EYA4: variants seen among roughly 807,000 people sequenced by gnomAD.
The protein encoded by EYA4 is EYA transcriptional coactivator and phosphatase 4, also known as protein phosphatase EYA4.
A neutral mutation model predicts 87.9 loss-of-function variants in EYA4; 31 were observed. The ratio of observed to expected loss-of-function variants is 0.35; its 90% CI spans 0.27 to 0.48. The LOEUF is 0.48. EYA4 is among the 20% of genes least tolerant of loss of function. The pLI is 0.99. For missense variants in EYA4, 678 were observed against 761.4 expected (o/e 0.89, Z 1.29); for synonymous variants, 263 against 270.6 (o/e 0.97, Z 0.28).
At chr6:133,422,413 AT>A (rs1583234135) in intron 3 of EYA4, among the ~76,000 whole-genome samples, 1 of 152,208 alleles carries the variant, frequency 6.6e-6, no homozygotes, top group East Asian at 1.9e-4. Context: ...CTAAGATTAT[AT>A]TCTTTATATT....
intron 2 of EYA4, among the ~76,000 whole-genome samples, chr6:133,312,097 G>A (rs1780268615): frequency 6.6e-6 from 1 of 152,142 alleles, no homozygotes. Context: ...TGGGGTGTTT[G>A]TGTGAGTGGG....
At chr6:133,334,258 T>A (rs984474584) in intron 2 of EYA4, among the ~76,000 whole-genome samples, 2 of 152,254 alleles carry the variant, frequency 1.3e-5, no homozygotes, top group Admixed American at 1.3e-4. Context: ...AAAGACTAAA[T>A]TGTCTGTGAT....
intron 3 of EYA4, among the ~76,000 whole-genome samples, chr6:133,443,054 A>C (rs1206632669): frequency 6.6e-6 from 1 of 151,936 alleles, no homozygotes; most frequent in Non-Finnish European, 1.5e-5. Context: ...ATCTATGTTT[A>C]TAAGAAATAT....
At chr6:133,527,931 C>A (rs1800767190) in intron 19 of EYA4, among the ~76,000 whole-genome samples, 2 of 152,042 alleles carry the variant, frequency 1.3e-5, no homozygotes, top group African/African-American at 4.8e-5. Context: ...AGTGGGGACT[C>A]TTTAGACAGT....
rs528376956 is a variant in EYA4 at position 133,305,385 on chromosome 6, C to T, written c.33+30572C>T. Among the ~76,000 whole-genome samples the T allele has an allele frequency of 7.2e-5, 11 of 152,136 alleles. No homozygotes were observed. The East Asian group carries it at 7.7e-4, about 11-fold the overall frequency. On this transcript the variant is annotated intron_variant, in intron 2 of 19. Coordinates refer to ENST00000355286, the MANE Select transcript of EYA4 (RefSeq NM_004100.5). ...GCTAGGGCAAGGGCACGAGGAAGAC[C>T]GGTTACAAGGCCAGTTTTTAGGAAT...
intron 1 of EYA4, chr6:133,247,923 A>G (rs917055039): frequency 2.6e-5 from 4 of 152,164 alleles, no homozygotes; most frequent in African/African-American, 9.7e-5. Flanking sequence ...TAACATGTTC[A>G]TGTGGCATCA....
chr6:133,351,261 G>A (rs1231419302), intron 2 of EYA4, among the ~76,000 whole-genome samples: 1 of 152,100 alleles, frequency 6.6e-6, no homozygotes, highest in African/African-American at 2.4e-5. Flanking sequence ...ATTTAGTGAG[G>A]CCTCTGTACT....
At chr6:133,293,669 C>T (rs530608711) in intron 2 of EYA4, among the ~76,000 whole-genome samples, 18 of 152,054 alleles carry the variant, frequency 1.2e-4, no homozygotes, top group Admixed American at 3.9e-4. Flanking sequence ...AGAGCCTGGG[C>T]GCATGCCTGT....
At chr6:133,359,976 G>A (rs141459805) in intron 2 of EYA4, among the ~76,000 whole-genome samples, 5 of 152,244 alleles carry the variant, frequency 3.3e-5, no homozygotes, top group East Asian at 1.9e-4. Flanking sequence ...GAGAAAGAAC[G>A]CTATGTACAT....
At chr6:133,349,318 T>G (rs1027657562) in intron 2 of EYA4, among the ~76,000 whole-genome samples, 1 of 152,196 alleles carries the variant, frequency 6.6e-6, no homozygotes, top group Admixed American at 6.5e-5. Flanking sequence ...TAAATTTTAG[T>G]TTTTTTGTTT....
chr6:133,481,118 T>TTC (rs1796181962), intron 11 of EYA4, among the ~76,000 whole-genome samples: 1 of 151,942 alleles, frequency 6.6e-6, no homozygotes, highest in Non-Finnish European at 1.5e-5. Flanking sequence ...AGGGATGGAA[T>TTC]TGATCCAGAA....
intron 2 of EYA4, among the ~76,000 whole-genome samples, chr6:133,308,072 C>G (rs1451569928): frequency 6.6e-6 from 1 of 152,112 alleles, no homozygotes; most frequent in Non-Finnish European, 1.5e-5. Context: ...CTTTGCTCCT[C>G]CTTTGCCTTC....
rs527290148 is a variant in EYA4 at position 133,404,853 on chromosome 6, G to A, written c.83+22412G>A. On this transcript the variant is annotated intron_variant, in intron 3 of 19. Transcript: ENST00000355286. ...CAGTTTCTAGTCTCCTTGGCTCTTC[G>A]CATGAGGAGAGAGAGAAATGGGAAA... is the stretch of plus-strand genomic sequence containing the variant. Among the ~76,000 whole-genome samples, 12 of 152,256 alleles carry A rather than the reference G, an allele frequency of 7.9e-5. No homozygotes were observed. The South Asian group carries it at 8.3e-4, about 11-fold the overall frequency.
Position 133,456,459 on chromosome 6 carries a change from C to G in EYA4, c.278-97C>G, listed in dbSNP as rs1162120188. ...CATCAACTTCTCAGGTTTTCTCTTG[C>G]ATGCCCATGGTAGCTAGAAATATCA... On this transcript the variant is annotated intron_variant, in intron 5 of 19. Coordinates refer to ENST00000355286, the MANE Select transcript of EYA4 (RefSeq NM_004100.5). The G allele has an allele frequency of 8.0e-6, 7 of 869,752 alleles. No homozygotes were observed. In the African/African-American group the frequency reaches 1.2e-4, roughly 14 times the overall value. 53.9% of individuals were successfully genotyped at this position (869,752 alleles called of 1,614,324 possible).
intron 12 of EYA4, 131 bp downstream of exon 12, chr6:133,481,730 T>A: frequency 1.0e-6 from 1 of 970,544 alleles, no homozygotes; most frequent in South Asian, 1.4e-5. Flanking sequence ...TGGAACTACT[T>A]TGTGATAGGC....
intron 2 of EYA4, among the ~76,000 whole-genome samples, chr6:133,342,605 A>ATATATATTATATATATATATATATATC (rs1485897156): frequency 6.9e-5 from 9 of 130,440 alleles, no homozygotes; most frequent in African/African-American, 2.6e-4. Context: ...ATATATATAT[A>ATATATATTATATATATATATATATATC]ATTCTTTATA....
chr6:133,373,918 GT>G (rs1288625440), intron 2 of EYA4, among the ~76,000 whole-genome samples: 1 of 151,954 alleles, frequency 6.6e-6, no homozygotes, highest in East Asian at 1.9e-4. Context: ...GCATATTATG[GT>G]TCCTTTTGTG....
chr6:133,447,403 C>T (rs1404004681), intron 4 of EYA4, among the ~76,000 whole-genome samples: 2 of 152,026 alleles, frequency 1.3e-5, no homozygotes, highest in Non-Finnish European at 2.9e-5. Context: ...TTCAACTTGT[C>T]AGAAAATATG....
At chr6:133,518,739 C>G (rs1346115559) in intron 17 of EYA4, among the ~76,000 whole-genome samples, 1 of 152,078 alleles carries the variant, frequency 6.6e-6, no homozygotes, top group Non-Finnish European at 1.5e-5. Flanking sequence ...TGACCACATA[C>G]TTGGAAGTAA....
Sources: gnomAD v4.1 joint callset for allele counts (sites outside exome capture counted in the v4.1 genomes callset) on GRCh38, gnomAD v4.1.1 for gene constraint, MANE v1.5 for transcripts, NCBI Gene and HGNC (gene_info 2026-07-23, HGNC 2026-07-21) for gene names.